Variants in NUB1 observed in about 807,000 individuals in gnomAD.
The protein encoded by NUB1 is NEDD8 ultimate buster 1.
In NUB1, 41 loss-of-function variants were observed where a neutral mutation model predicts 77.1. The observed-to-expected ratio is 0.53, with a 90% CI of 0.41 to 0.69. The LOEUF (loss-of-function observed/expected upper bound fraction) is 0.69, where lower values mean the gene tolerates loss of function less well. Ranked by LOEUF, NUB1 falls within the 30% of genes least tolerant of loss-of-function variation. The probability of loss-of-function intolerance (pLI) is 0.00; values close to 1 mark genes in which losing one functional copy is unlikely to be tolerated. For missense variants in NUB1, 643 were observed against 743.8 expected, an observed-to-expected ratio of 0.86 and a Z score of 1.58; for synonymous variants, 257 against 281.0, an observed-to-expected ratio of 0.91 and a Z score of 0.85.
At chr7:151,357,719 C>G (rs1017241957) in intron 7 of NUB1, among the ~76,000 whole-genome samples, 1 of 151,710 alleles carries the variant, frequency 6.6e-6, no homozygotes, top group South Asian at 2.1e-4. Flanking sequence ...AAGCAATTCT[C>G]CTGCCTCAGC....
intron 8 of NUB1, chr7:151,360,613 A>G (rs888931553): frequency 6.1e-6 from 1 of 163,678 alleles, no homozygotes; most frequent in African/African-American, 2.5e-5. Flanking sequence ...TGGTGATATT[A>G]TTCCTTCTGT....
Position 151,349,059 on chromosome 7 carries a change from A to AT in NUB1, c.118-9dup, listed in dbSNP as rs1796662340. The AT allele has an allele frequency of 6.3e-7, 1 of 1,583,746 alleles. No homozygotes were observed. Among genetic ancestry groups the AT allele is most frequent in the Non-Finnish European group, 8.5e-7 (1 of 1,170,216 alleles). On this transcript the variant is annotated splice_polypyrimidine_tract_variant and intron_variant, in intron 2 of 14. Transcript: ENST00000568733. The stretch of plus-strand genomic sequence containing the variant: ...TTTTAAGTCAGTATTGCATTTTCTG[A>AT]TTTTTCTTGATAGGACCTTGCTAAG...
At chr7:151,354,834 C>T (rs1796987859) in intron 5 of NUB1, among the ~76,000 whole-genome samples, 1 of 152,182 alleles carries the variant, frequency 6.6e-6, no homozygotes, top group African/African-American at 2.4e-5. Context: ...CCTCCACCTC[C>T]CAGGTGCAAG....
intron 1 of NUB1, 177 bp downstream of exon 1, chr7:151,342,023 C>T (rs1796233860): frequency 5.0e-6 from 6 of 1,207,638 alleles, no homozygotes; most frequent in African/African-American, 1.6e-5. Flanking sequence ...GAGCGGTGGG[C>T]CGGGCTTCGG....
chr7:151,362,830 A>G (rs1441893868), intron 8 of NUB1, among the ~76,000 whole-genome samples: 2 of 152,256 alleles, frequency 1.3e-5, no homozygotes, highest in Admixed American at 6.5e-5. Flanking sequence ...AAGGTACCAC[A>G]TGAAAGAAGC....
chr7:151,344,369 G>A (rs1278568309), intron 1 of NUB1, among the ~76,000 whole-genome samples: 2 of 151,044 alleles, frequency 1.3e-5, no homozygotes, highest in African/African-American at 4.9e-5. Context: ...GGAGTGCAGT[G>A]GTGCCATCTC....
rs748805805 is a variant in NUB1 at position 151,345,331 on chromosome 7, T to C, written c.-2-17T>C. 8 of 1,469,870 alleles carry C rather than the reference T, an allele frequency of 5.4e-6. No homozygotes were observed. The Admixed American group carries it at 1.2e-4, about 22-fold the overall frequency. 91.1% of individuals were successfully genotyped at this position (1,469,870 alleles called of 1,614,324 possible). ...AATGCGATGTGGAGTTTTATTAATG[T>C]ATTGTTTTGCTTTCAGGGATGGCAC... On this transcript the variant is annotated splice_polypyrimidine_tract_variant and intron_variant, in intron 1 of 14. Coordinates refer to ENST00000568733, the MANE Select transcript of NUB1 (RefSeq NM_001243351.2).
intron 1 of NUB1, among the ~76,000 whole-genome samples, chr7:151,342,301 C>T (rs1041384184): frequency 3.3e-5 from 5 of 152,176 alleles, no homozygotes; most frequent in African/African-American, 4.8e-5. Context: ...TCATTCTCAC[C>T]TCCTTCCCTT....
intron 8 of NUB1, among the ~76,000 whole-genome samples, chr7:151,362,462 A>G (rs1563021890): frequency 6.6e-6 from 1 of 152,210 alleles, no homozygotes; most frequent in Non-Finnish European, 1.5e-5. Context: ...TTTTGTCACA[A>G]CTTCCTACCA....
In NUB1 at chr7:151,377,338, T is replaced by C. The variant is rs1437474675; in HGVS notation, c.*113T>C. 2 of 747,004 alleles carry C rather than the reference T, an allele frequency of 2.7e-6. No individual in the cohort carries two copies. Among genetic ancestry groups the C allele is most frequent in the African/African-American group, 1.8e-5 (1 of 55,716 alleles). 46.3% of individuals were successfully genotyped at this position (747,004 alleles called of 1,614,324 possible). A position where few individuals can be genotyped will look rare whatever the true frequency, so the allele number is the denominator to read the frequency against. On this transcript the variant is annotated 3_prime_UTR_variant, in exon 15 of 15. Coordinates refer to ENST00000568733, the MANE Select transcript of NUB1 (RefSeq NM_001243351.2). ...ATCTGAATTACAAGTCCTCTTTGGG[T>C]GTAGGAGGGGGTGGGCAGGGGACAA... is the stretch of plus-strand genomic sequence containing the variant.
At chr7:151,355,995 C>T (rs766433588) in intron 6 of NUB1, 45 bp downstream of exon 6, 1 of 1,596,550 alleles carries the variant, frequency 6.3e-7, no homozygotes, top group East Asian at 2.2e-5. Flanking sequence ...TGCTTGGGGG[C>T]AGCACTGGAT....
Position 151,360,191 on chromosome 7 carries a change from A to G in NUB1, c.744A>G (p.Lys248=). ...GYHEKGRAFL[K]RKEYGIALPC... ...ATGAGAAGGGCAGAGCTTTCCTGAAAAGAAAAGAATATGGAATAGCCTTGC... is the reference window on the plus strand; with the variant it reads ...ATGAGAAGGGCAGAGCTTTCCTGAAGAGAAAAGAATATGGAATAGCCTTGC... Residue 248 remains lysine, a synonymous_variant, in exon 8 of 15, where the codon AAA becomes AAG. Coordinates refer to ENST00000568733, the MANE Select transcript of NUB1 (RefSeq NM_001243351.2). 1 of 1,611,204 alleles carries G rather than the reference A, an allele frequency of 6.2e-7. No individual in the cohort carries two copies. The highest frequency in any genetic ancestry group is 8.5e-7 in the Non-Finnish European group (1 of 1,177,390).
At chr7:151,366,222 A>G (rs1469373219) in intron 8 of NUB1, among the ~76,000 whole-genome samples, 1 of 152,120 alleles carries the variant, frequency 6.6e-6, no homozygotes, top group Non-Finnish European at 1.5e-5. Context: ...TGCCACGAAT[A>G]CGGAGTCAAA....
At chr7:151,371,224 C>A (rs1797941895) in intron 11 of NUB1, among the ~76,000 whole-genome samples, 1 of 152,188 alleles carries the variant, frequency 6.6e-6, no homozygotes, top group African/African-American at 2.4e-5. Flanking sequence ...ATGGCCTAAA[C>A]ATCAAAACAA....
chr7:151,347,750 C>T (rs962236650), intron 2 of NUB1, among the ~76,000 whole-genome samples: 7 of 152,218 alleles, frequency 4.6e-5, no homozygotes, highest in African/African-American at 9.6e-5. Context: ...TGAGCCATCG[C>T]GCCCAATCTA....
At chr7:151,359,174 C>T (rs949225663) in intron 7 of NUB1, among the ~76,000 whole-genome samples, 1 of 151,768 alleles carries the variant, frequency 6.6e-6, no homozygotes, top group Non-Finnish European at 1.5e-5. Context: ...CACGGTGGCT[C>T]ATGCCTGTAA....
At position 151,376,332 on chromosome 7, in the gene NUB1, A is replaced by C. The variant is rs534752734; in HGVS notation, c.1492-302A>C. 8 of 488,124 alleles carry C rather than the reference A, an allele frequency of 1.6e-5. No individual in the cohort carries two copies. The South Asian group carries it at 1.8e-4, about 11-fold the overall frequency. The allele number at this position is 488,124 out of a possible 1,614,324, so 30.2% of individuals were successfully genotyped here. A position where few individuals can be genotyped will look rare whatever the true frequency, so the allele number is the denominator to read the frequency against. ...CCCCTACACGCGTTAGCACGCCTGTATGCTGTGGCCACTGACCTCGCGGTG... is the reference window on the plus strand; with the variant it reads ...CCCCTACACGCGTTAGCACGCCTGTCTGCTGTGGCCACTGACCTCGCGGTG... On this transcript the variant is annotated intron_variant, in intron 13 of 14. Coordinates refer to ENST00000568733, the MANE Select transcript of NUB1 (RefSeq NM_001243351.2).
At chr7:151,352,158 C>G (rs1240591104) in intron 4 of NUB1, 1 of 456,582 alleles carries the variant, frequency 2.2e-6, no homozygotes, top group Non-Finnish European at 4.4e-6. Flanking sequence ...TGTGGATCAG[C>G]CCCCGCTATG....
chr7:151,377,368 A>T lies in NUB1; in HGVS notation c.*143A>T. 1 of 586,308 alleles carries T rather than the reference A, an allele frequency of 1.7e-6. No homozygotes were observed. Among genetic ancestry groups the T allele is most frequent in the Non-Finnish European group, 2.8e-6 (1 of 350,974 alleles). The allele number at this position is 586,308 out of a possible 1,614,324, so 36.3% of individuals were successfully genotyped here. A position where few individuals can be genotyped will look rare whatever the true frequency, so the allele number is the denominator to read the frequency against. On this transcript the variant is annotated 3_prime_UTR_variant, in exon 15 of 15. Transcript: ENST00000568733. Reference sequence around the variant, plus strand: ...GAGGGGGTGGGCAGGGGACAAGTCCAGGAGGGGTCCCAGGGCCTTCATGCG... The same window carrying T: ...GAGGGGGTGGGCAGGGGACAAGTCCTGGAGGGGTCCCAGGGCCTTCATGCG...
Sources: allele counts gnomAD v4.1 joint callset (sites outside exome capture counted in the v4.1 genomes callset), GRCh38; gene constraint gnomAD v4.1.1; transcripts MANE v1.5; gene names NCBI Gene and HGNC (gene_info 2026-07-23, HGNC 2026-07-21).